Variants in SEMA6D observed in about 807,000 individuals in gnomAD.
The protein encoded by SEMA6D is semaphorin-6D.
In SEMA6D, 35 loss-of-function variants were observed where a neutral mutation model predicts 106.6. The observed-to-expected ratio is 0.33, with a 90% CI of 0.25 to 0.44. SEMA6D has a LOEUF of 0.44. Ranked by LOEUF, SEMA6D falls within the 20% of genes least tolerant of loss-of-function variation. The probability of loss-of-function intolerance (pLI) is 1.00; values close to 1 mark genes in which losing one functional copy is unlikely to be tolerated. For synonymous variants in SEMA6D, 499 were observed against 487.7 expected (o/e 1.02, Z -0.31); for missense variants, 1,185 against 1,345.9 (o/e 0.88, Z 1.87).
chr15:47,731,656 A>T (rs1427358289), intron 1 of SEMA6D, among the ~76,000 whole-genome samples: 1 of 152,212 alleles, frequency 6.6e-6, no homozygotes, highest in East Asian at 1.9e-4. Context: ...GCATAAAAAA[A>T]CTTGGTAATT....
At chr15:47,410,152 A>AT (rs5812392) in intron 1 of SEMA6D, among the ~76,000 whole-genome samples, 92,531 of 147,938 alleles carry the variant, frequency 0.63, 29,107 homozygotes, top group Middle Eastern at 0.7. Flanking sequence ...TTGTTTTTGT[A>AT]TTTTTTTTTT....
At chr15:47,336,286 A>G (rs1158723783) in intron 1 of SEMA6D, among the ~76,000 whole-genome samples, 1 of 152,218 alleles carries the variant, frequency 6.6e-6, no homozygotes, top group Non-Finnish European at 1.5e-5. Flanking sequence ...ACTGTAAAAC[A>G]GAAGGCCTGT....
At chr15:47,283,085 C>T (rs1207657861) in intron 1 of SEMA6D, among the ~76,000 whole-genome samples, 1 of 152,136 alleles carries the variant, frequency 6.6e-6, no homozygotes, top group African/African-American at 2.4e-5. Flanking sequence ...AAAGGCCAGA[C>T]TGTTGGAAAG....
At chr15:47,255,436 T>G (rs912215628) in intron 1 of SEMA6D, among the ~76,000 whole-genome samples, 2 of 152,106 alleles carry the variant, frequency 1.3e-5, no homozygotes, top group Non-Finnish European at 2.9e-5. Context: ...TTTTGTTTAT[T>G]TTTGCTTTGA....
chr15:47,313,421 C>T (rs2036521524), intron 1 of SEMA6D, among the ~76,000 whole-genome samples: 1 of 152,106 alleles, frequency 6.6e-6, no homozygotes, highest in African/African-American at 2.4e-5. Flanking sequence ...TGCATTTAAG[C>T]TTCCTCCATG....
intron 1 of SEMA6D, among the ~76,000 whole-genome samples, chr15:47,367,978 T>C (rs80098639): frequency 6.8e-6 from 1 of 146,440 alleles, no homozygotes; most frequent in African/African-American, 2.5e-5. Context: ...TTTTTTTTTT[T>C]CAGAAGAACA....
intron 1 of SEMA6D, among the ~76,000 whole-genome samples, chr15:47,309,261 C>G (rs1467330021): frequency 6.6e-6 from 1 of 152,152 alleles, no homozygotes; most frequent in Non-Finnish European, 1.5e-5. Flanking sequence ...TTTAAAATTT[C>G]ACACTATTCT....
chr15:47,365,809 C>A (rs749116928), intron 1 of SEMA6D, among the ~76,000 whole-genome samples: 1 of 149,424 alleles, frequency 6.7e-6, no homozygotes, highest in Non-Finnish European at 1.5e-5. Flanking sequence ...TGCAGTGAGC[C>A]GAGATCACGC....
intron 3 of SEMA6D, among the ~76,000 whole-genome samples, chr15:47,512,650 G>T (rs934323881): frequency 6.6e-6 from 1 of 152,176 alleles, no homozygotes; most frequent in Non-Finnish European, 1.5e-5. Context: ...TCCTGGACAG[G>T]TTACCAAATT....
At chr15:47,333,453 A>G (rs574332938) in intron 1 of SEMA6D, among the ~76,000 whole-genome samples, 2 of 152,282 alleles carry the variant, frequency 1.3e-5, no homozygotes, top group East Asian at 3.9e-4. Flanking sequence ...TCAAAAGGCC[A>G]TACAAAACAC....
intron 4 of SEMA6D, among the ~76,000 whole-genome samples, chr15:47,644,816 A>C (rs1192911858): frequency 1.3e-5 from 2 of 152,232 alleles, no homozygotes. Context: ...CAAATAGTTT[A>C]TACTGGCGGG....
intron 2 of SEMA6D, among the ~76,000 whole-genome samples, chr15:47,448,143 T>C (rs2042082960): frequency 1.3e-5 from 2 of 152,098 alleles, no homozygotes; most frequent in Non-Finnish European, 2.9e-5. Flanking sequence ...CTGCTGTTCA[T>C]TGTGTTGTTT....
intron 1 of SEMA6D, among the ~76,000 whole-genome samples, chr15:47,345,646 G>A (rs1399200735): frequency 6.6e-6 from 1 of 152,072 alleles, no homozygotes; most frequent in African/African-American, 2.4e-5. Flanking sequence ...CTTGAGTTAA[G>A]CAAAGATTTC....
At position 47,393,153 on chromosome 15, in the gene SEMA6D, G is replaced by C. The variant is rs140427815; in HGVS notation, c.-238-19240G>C. Among the ~76,000 whole-genome samples the C allele has an allele frequency of 2.6e-3, 394 of 152,312 alleles. 3 individuals carry two copies. The East Asian group carries it at 0.033, about 13-fold the overall frequency. ...TCATAAGCATTCACAGTGGAATCTA[G>C]AACCTACATTATTCTAACATAATCA... On this transcript the variant is annotated intron_variant, in intron 1 of 19. Coordinates refer to the SEMA6D transcript ENST00000558014.
intron 3 of SEMA6D, among the ~76,000 whole-genome samples, chr15:47,589,835 A>G (rs538240386): frequency 6.6e-6 from 1 of 152,338 alleles, no homozygotes; most frequent in East Asian, 1.9e-4. Context: ...AGTAGATTTG[A>G]GTAAAGAAAG....
At chr15:47,518,808 C>G (rs759725178) in intron 3 of SEMA6D, among the ~76,000 whole-genome samples, 2 of 152,172 alleles carry the variant, frequency 1.3e-5, no homozygotes, top group Admixed American at 1.3e-4. Context: ...GGGGCAATAA[C>G]AGACATGAAG....
At chr15:47,360,723 A>G (rs969856169) in intron 1 of SEMA6D, among the ~76,000 whole-genome samples, 4 of 152,254 alleles carry the variant, frequency 2.6e-5, no homozygotes, top group African/African-American at 7.2e-5. Flanking sequence ...AAACATTTTT[A>G]TCCAACTACC....
intron 3 of SEMA6D, among the ~76,000 whole-genome samples, chr15:47,488,783 G>A (rs1265487021): frequency 1.3e-5 from 2 of 152,090 alleles, no homozygotes; most frequent in Non-Finnish European, 1.5e-5. Context: ...TGACTAGAGT[G>A]TAGTAAAGGA....
At chr15:47,242,384 A>G (rs928474307) in intron 1 of SEMA6D, among the ~76,000 whole-genome samples, 1 of 152,164 alleles carries the variant, frequency 6.6e-6, no homozygotes, top group Non-Finnish European at 1.5e-5. Flanking sequence ...TTAAATGCAG[A>G]ACAGCCACAG....
Sources: allele counts gnomAD v4.1 joint callset (sites outside exome capture counted in the v4.1 genomes callset), GRCh38; gene constraint gnomAD v4.1.1; transcripts MANE v1.5; gene names NCBI Gene and HGNC (gene_info 2026-07-23, HGNC 2026-07-21).